ALDH8A1: variants seen among roughly 807,000 people sequenced by gnomAD.
The protein encoded by ALDH8A1 is 2-aminomuconic semialdehyde dehydrogenase.
ALDH8A1 carries 39 observed loss-of-function variants against 43.3 expected under a neutral mutation model. The ratio of observed to expected loss-of-function variants is 0.90; its 90% confidence interval spans 0.70 to 1.18. The LOEUF (loss-of-function observed/expected upper bound fraction) is 1.18, where lower values mean the gene tolerates loss of function less well. Among genes scored for constraint, ALDH8A1 ranks in the 50% most tolerant of loss-of-function variants. The pLI is 0.00. For missense variants in ALDH8A1, 605 were observed against 622.6 expected (o/e 0.97, Z 0.30); for synonymous variants, 233 against 243.5 (o/e 0.96, Z 0.40).
chr6:134,922,225 G>A (rs1361726077), intron 6 of ALDH8A1, among the ~76,000 whole-genome samples: 2 of 152,048 alleles, frequency 1.3e-5, no homozygotes, highest in African/African-American at 4.8e-5. Flanking sequence ...TATGTGGGAG[G>A]GATCAGACAG....
chr6:134,936,679 C>T (rs1236209248), intron 4 of ALDH8A1, among the ~76,000 whole-genome samples: 5 of 152,208 alleles, frequency 3.3e-5, no homozygotes, highest in Non-Finnish European at 5.9e-5. Flanking sequence ...GCGCTCACTG[C>T]GGCAGCGGAT....
In ALDH8A1 at chr6:134,918,182, G is replaced by T; in HGVS notation, c.*233C>A. On this transcript the variant is annotated 3_prime_UTR_variant, in exon 7 of 7. Transcript: ENST00000265605. Reference sequence around the variant, plus strand: ...TAACCTGGGAGGAGCCTGACAACTGGCATCATTGTTCTATCTTCCTACTTA... The same window carrying T: ...TAACCTGGGAGGAGCCTGACAACTGTCATCATTGTTCTATCTTCCTACTTA... 2 of 520,808 alleles carry T rather than the reference G, an allele frequency of 3.8e-6. No individual in the cohort carries two copies. Among genetic ancestry groups the T allele is most frequent in the Non-Finnish European group, 6.7e-6 (2 of 296,304 alleles). The allele number at this position is 520,808 out of a possible 1,614,324, so 32.3% of individuals were successfully genotyped here. A position where few individuals can be genotyped will look rare whatever the true frequency, so the allele number is the denominator to read the frequency against.
intron 4 of ALDH8A1, among the ~76,000 whole-genome samples, chr6:134,936,481 A>G (rs1773740316): frequency 6.6e-6 from 1 of 152,184 alleles, no homozygotes; most frequent in Non-Finnish European, 1.5e-5. Flanking sequence ...GTAGGGCCCC[A>G]CATCTCCACC....
At chr6:134,928,267 T>C (rs951333547) in intron 6 of ALDH8A1, among the ~76,000 whole-genome samples, 7 of 152,222 alleles carry the variant, frequency 4.6e-5, no homozygotes, top group Admixed American at 3.3e-4. Context: ...GCCTTCAAGC[T>C]ACTTCATCTT....
At chr6:134,944,053 C>A in intron 1 of ALDH8A1, 87 bp from the exon 2 acceptor site, 3 of 1,448,638 alleles carry the variant, frequency 2.1e-6, no homozygotes, top group Non-Finnish European at 2.8e-6. Flanking sequence ...GGTCTCCACA[C>A]ACCTCATTTT....
chr6:134,939,501 C>A, intron 3 of ALDH8A1, 86 bp from the exon 4 acceptor site: 1 of 1,452,542 alleles, frequency 6.9e-7, no homozygotes. Context: ...CGCAAAACTC[C>A]TTCATGCTGC....
chr6:134,929,264 G>T (rs1264102135), intron 5 of ALDH8A1, 49 bp from the exon 6 acceptor site: 1 of 1,589,948 alleles, frequency 6.3e-7, no homozygotes, highest in South Asian at 1.1e-5. Context: ...CTCCTTCATG[G>T]ATAGAGCACC....
Position 134,918,340 on chromosome 6 carries a change from A to G in ALDH8A1, c.*75T>C. 2 of 1,423,976 alleles carry G rather than the reference A, an allele frequency of 1.4e-6. No individual in the cohort carries two copies. Among genetic ancestry groups the G allele is most frequent in the Non-Finnish European group, 1.9e-6 (2 of 1,037,536 alleles). 88.2% of individuals were successfully genotyped at this position (1,423,976 alleles called of 1,614,324 possible). On this transcript the variant is annotated 3_prime_UTR_variant, in exon 7 of 7. Coordinates refer to ENST00000265605, the MANE Select transcript of ALDH8A1 (RefSeq NM_022568.4). ...AGGCATAGCTGGAATTCATGCCATG[A>G]TTTTCATCTACCACATTGAACAACT...
chr6:134,920,761 C>T (rs1325316969), intron 6 of ALDH8A1, among the ~76,000 whole-genome samples: 1 of 151,940 alleles, frequency 6.6e-6, no homozygotes, highest in Non-Finnish European at 1.5e-5. Context: ...GAAAAAAAAC[C>T]ATGACTAGTA....
At chr6:134,921,699 C>T (rs1208990703) in intron 6 of ALDH8A1, among the ~76,000 whole-genome samples, 1 of 152,206 alleles carries the variant, frequency 6.6e-6, no homozygotes, top group Non-Finnish European at 1.5e-5. Context: ...CTCCACATGG[C>T]CAATTTGATT....
chr6:134,928,407 T>C (rs945821019), intron 6 of ALDH8A1, among the ~76,000 whole-genome samples: 4 of 152,254 alleles, frequency 2.6e-5, no homozygotes, highest in Admixed American at 6.5e-5. Flanking sequence ...ATTGGCTGGC[T>C]GATGGGGACA....
chr6:134,942,575 C>A lies in ALDH8A1; in HGVS notation c.287-11G>T. On this transcript the variant is annotated splice_polypyrimidine_tract_variant and intron_variant, in intron 2 of 6. Coordinates refer to ENST00000265605, the MANE Select transcript of ALDH8A1 (RefSeq NM_022568.4). ...GTGCTAAGGTTTTCCCTGTAAGAAG[C>A]AAACAACATAAAGCACTATCAGCTA... 1 of 1,611,020 alleles carries A rather than the reference C, an allele frequency of 6.2e-7. No individual in the cohort carries two copies. Among genetic ancestry groups the A allele is most frequent in the Non-Finnish European group, 8.5e-7 (1 of 1,177,968 alleles).
chr6:134,922,018 G>A (rs1041909436), intron 6 of ALDH8A1, among the ~76,000 whole-genome samples: 1 of 152,242 alleles, frequency 6.6e-6, no homozygotes, highest in African/African-American at 2.4e-5. Flanking sequence ...GCTGGCGGGA[G>A]GCTCACTCGG....
chr6:134,932,394 G>T (rs987833132), intron 5 of ALDH8A1, among the ~76,000 whole-genome samples: 1 of 152,146 alleles, frequency 6.6e-6, no homozygotes, highest in African/African-American at 2.4e-5. Context: ...TGAGAGTAAG[G>T]TTTACTGGGA....
chr6:134,926,998 G>A (rs1177490004), intron 6 of ALDH8A1, among the ~76,000 whole-genome samples: 2 of 152,168 alleles, frequency 1.3e-5, no homozygotes, highest in African/African-American at 4.8e-5. Context: ...GTAGAGAGAG[G>A]TCTTCTTGTC....
Position 134,918,620 on chromosome 6 carries a change from G to T in ALDH8A1, c.1259C>A (p.Ala420Glu), listed in dbSNP as rs41286234. ...ERANNVKYGL[A>E]ATVWSSNVGR... ...CACATTGCTGGACCACACGGTAGCCGCCAGCCCATACTTAACGTTGTTGGC... is the reference window on the plus strand; with the variant it reads ...CACATTGCTGGACCACACGGTAGCCTCCAGCCCATACTTAACGTTGTTGGC... Residue 420 changes from alanine (A) to glutamate (E), a missense_variant, in exon 7 of 7, where the codon GCG becomes GAG. By Grantham distance (107) the Ala-to-Glu change is moderately radical (BLOSUM62 -1). Coordinates refer to ENST00000265605, the MANE Select transcript of ALDH8A1 (RefSeq NM_022568.4). 6.2e-7 allele frequency: 1 copy of T among 1,614,040 alleles called. No individual in the cohort carries two copies. Among genetic ancestry groups the T allele is most frequent in the African/African-American group, 1.3e-5 (1 of 74,910 alleles).
intron 4 of ALDH8A1, among the ~76,000 whole-genome samples, chr6:134,938,430 A>G (rs1383858301): frequency 6.6e-6 from 1 of 152,198 alleles, no homozygotes; most frequent in Non-Finnish European, 1.5e-5. Flanking sequence ...GTGAACCTTG[A>G]TATGCTAGGA....
rs758428952 is a variant in ALDH8A1 at position 134,929,169 on chromosome 6, A to G, written c.896T>C (p.Ile299Thr). The change falls in exon 6 of 7, where the codon ATC (isoleucine) becomes ACC (threonine). Residue 299 changes from isoleucine to threonine, a missense_variant. Ile to Thr is a moderately conservative substitution (Grantham distance 89, BLOSUM62 -1). Transcript: ENST00000265605. Reference sequence around the variant, plus strand: ...AAATCTCTTTAAAAATTCACTATAGATGCTCTTCTGGACAAAGATCCTGCT... The same window carrying G: ...AAATCTCTTTAAAAATTCACTATAGGTGCTCTTCTGGACAAAGATCCTGCT... ...CTSRIFVQKS[I>T]YSEFLKRFVE... is the part of the protein sequence containing the mutation. 4.3e-6 allele frequency: 7 copies of G among 1,614,122 alleles called. No homozygotes were observed. In the South Asian group the frequency reaches 7.7e-5, roughly 18 times the overall value.
intron 6 of ALDH8A1, among the ~76,000 whole-genome samples, chr6:134,923,192 A>G (rs961099743): frequency 5.9e-5 from 9 of 152,196 alleles, no homozygotes; most frequent in Non-Finnish European, 1.2e-4. Flanking sequence ...ACGCCTGGCT[A>G]AATTTTTTTG....
Sources: gnomAD v4.1 joint callset for allele counts (sites outside exome capture counted in the v4.1 genomes callset) on GRCh38, gnomAD v4.1.1 for gene constraint, MANE v1.5 for transcripts, NCBI Gene and HGNC (gene_info 2026-07-23, HGNC 2026-07-21) for gene names.